The following USP50 variants were observed in gnomAD, a reference collection of about 807,000 sequenced individuals.
USP50 encodes the protein ubiquitin specific peptidase 50, also known as ubiquitin carboxyl-terminal hydrolase 50.
A neutral mutation model predicts 39.2 loss-of-function variants in USP50; 37 were observed. The ratio of observed to expected loss-of-function variants is 0.94; its 90% CI spans 0.73 to 1.24. USP50 has a LOEUF of 1.24. USP50 is among the 50% of genes most tolerant of loss of function. USP50 has a pLI of 0.00. For synonymous variants in USP50, 139 were observed against 144.5 expected, an observed-to-expected ratio of 0.96 and a Z score of 0.27; for missense variants, 374 against 398.2, an observed-to-expected ratio of 0.94 and a Z score of 0.52.
chr15:50,508,523 G>A (rs1245159113), intron 6 of USP50: 1 of 152,100 alleles, frequency 6.6e-6, no homozygotes, highest in East Asian at 1.9e-4. Context: ...ATATCTTAAA[G>A]GATAGACTGA....
intron 6 of USP50, among the ~76,000 whole-genome samples, chr15:50,527,268 G>A (rs548367637): frequency 6.6e-6 from 1 of 152,200 alleles, no homozygotes; most frequent in East Asian, 1.9e-4. Flanking sequence ...GCAGTGGCAC[G>A]ATCTCAGCTC....
At position 50,540,984 on chromosome 15, in the gene USP50, G is replaced by A. The variant is rs142517620; in HGVS notation, c.660+65C>T. ...TCATACTAAACAAATGTAGGAAACAGCCCCGAGAAAATCCGGGGCTGAGAG... is the reference window on the plus strand; with the variant it reads ...TCATACTAAACAAATGTAGGAAACAACCCCGAGAAAATCCGGGGCTGAGAG... On this transcript the variant is annotated intron_variant, in intron 4 of 6. Transcript: ENST00000532404. 38 of 1,265,186 alleles carry A rather than the reference G, an allele frequency of 3.0e-5. No individual in the cohort carries two copies. In the African/African-American group the frequency reaches 5.6e-4, roughly 19 times the overall value. The allele number at this position is 1,265,186 out of a possible 1,614,324, so 78.4% of individuals were successfully genotyped here. A position where few individuals can be genotyped will look rare whatever the true frequency, so the allele number is the denominator to read the frequency against.
At chr15:50,543,950 C>A in intron 2 of USP50, 157 bp from the exon 3 acceptor site, 1 of 678,472 alleles carries the variant, frequency 1.5e-6, no homozygotes, top group South Asian at 1.8e-5. Context: ...ATAGCTTGAG[C>A]CCCCAGAAGG....
chr15:50,538,937 G>A (rs142432733), intron 4 of USP50, 86 bp from the exon 5 acceptor site: 13 of 1,411,278 alleles, frequency 9.2e-6, no homozygotes, highest in East Asian at 4.7e-5. Flanking sequence ...TGCAAATGCC[G>A]TGGAAATGTA....
intron 6 of USP50, among the ~76,000 whole-genome samples, chr15:50,516,172 C>T (rs2052802136): frequency 6.6e-6 from 1 of 152,080 alleles, no homozygotes; most frequent in African/African-American, 2.4e-5. Flanking sequence ...ATCATACCAC[C>T]ACAGAAAACC....
At chr15:50,542,789 A>G (rs1219532833) in intron 3 of USP50, among the ~76,000 whole-genome samples, 2 of 152,132 alleles carry the variant, frequency 1.3e-5, no homozygotes, top group Non-Finnish European at 2.9e-5. Flanking sequence ...GCGCCTGGCC[A>G]TGAGTACTTT....
chr15:50,505,430 C>A (rs2052645428), intron 6 of USP50: 1 of 152,092 alleles, frequency 6.6e-6, no homozygotes, highest in Non-Finnish European at 1.5e-5. Context: ...TAGTTATCAT[C>A]CAAGAATGAA....
intron 6 of USP50, among the ~76,000 whole-genome samples, chr15:50,526,773 A>C (rs2052901710): frequency 6.6e-6 from 1 of 152,216 alleles, no homozygotes; most frequent in Admixed American, 6.5e-5. Context: ...GCCTGGGTTC[A>C]GATCTTGGCT....
intron 6 of USP50, among the ~76,000 whole-genome samples, chr15:50,525,915 G>A (rs2052894462): frequency 6.6e-6 from 1 of 151,814 alleles, no homozygotes; most frequent in South Asian, 2.1e-4. Context: ...ACTACATTTA[G>A]AGAACATGCA....
chr15:50,541,016 G>C (rs370609154), intron 4 of USP50, 33 bp downstream of exon 4: 1 of 1,545,312 alleles, frequency 6.5e-7, no homozygotes, highest in Non-Finnish European at 8.9e-7. Flanking sequence ...AGAGTATAGC[G>C]AGACAAAGTG....
At chr15:50,516,098 A>G (rs1026621512) in intron 6 of USP50, among the ~76,000 whole-genome samples, 8 of 152,224 alleles carry the variant, frequency 5.3e-5, no homozygotes, top group African/African-American at 1.9e-4. Flanking sequence ...TGTAGTAAGT[A>G]AAAGATGTTT....
At chr15:50,526,482 G>A (rs2052899463) in intron 6 of USP50, among the ~76,000 whole-genome samples, 1 of 152,178 alleles carries the variant, frequency 6.6e-6, no homozygotes, top group East Asian at 1.9e-4. Context: ...ATTTGAGGAG[G>A]GTTGAAGGAG....
At chr15:50,498,650 G>A (rs201686033), downstream of USP50, 38 of 1,612,958 alleles carry the variant, frequency 2.4e-5, no homozygotes, top group African/African-American at 3.9e-4. Flanking sequence ...TGGACTTCCC[G>A]TTAGAAAATC....
chr15:50,498,478 C>A, downstream of USP50: 1 of 1,341,718 alleles, frequency 7.5e-7, no homozygotes, highest in Non-Finnish European at 9.9e-7. Context: ...ACTAAAATTC[C>A]AAGTCTTTGT....
chr15:50,506,201 C>T (rs1191310339), intron 6 of USP50: 1 of 152,478 alleles, frequency 6.6e-6, no homozygotes, highest in Admixed American at 6.5e-5. Flanking sequence ...GAAAACAACA[C>T]AGCAGAGGTC....
At chr15:50,506,982 A>G (rs2052671511) in intron 6 of USP50, 1 of 153,018 alleles carries the variant, frequency 6.5e-6, no homozygotes, top group Non-Finnish European at 1.4e-5. Context: ...AAAAAAAAAA[A>G]AAAAAAAATC....
At chr15:50,514,089 GAATA>G (rs2052774584) in intron 6 of USP50, 1 of 152,124 alleles carries the variant, frequency 6.6e-6, no homozygotes, top group Non-Finnish European at 1.5e-5. Flanking sequence ...CAATGAGAAT[GAATA>G]AATTACAATA....
intron 6 of USP50, among the ~76,000 whole-genome samples, chr15:50,525,944 T>C (rs188736066): frequency 6.3e-4 from 95 of 151,954 alleles, no homozygotes; most frequent in Non-Finnish European, 1.3e-3. Context: ...AATGCAAACA[T>C]TTGTGGAAAA....
At chr15:50,526,017 C>A (rs1050071512) in intron 6 of USP50, among the ~76,000 whole-genome samples, 2 of 151,914 alleles carry the variant, frequency 1.3e-5, no homozygotes, top group East Asian at 3.9e-4. Flanking sequence ...CGGAAGGGAG[C>A]GGGATCATTA....
Sources: gnomAD v4.1 joint callset for allele counts (sites outside exome capture counted in the v4.1 genomes callset) on GRCh38, gnomAD v4.1.1 for gene constraint, MANE v1.5 for transcripts, NCBI Gene and HGNC (gene_info 2026-07-23, HGNC 2026-07-21) for gene names.